Variants in FKBP1B observed in about 807,000 individuals in gnomAD.
FKBP1B encodes the protein FKBP prolyl isomerase 1B.
In FKBP1B, 4 loss-of-function variants were observed where a neutral mutation model predicts 13.5. The observed-to-expected ratio is 0.30, with a 90% CI of 0.15 to 0.68. The LOEUF is 0.68. Ranked by LOEUF, FKBP1B falls within the 30% of genes least tolerant of loss-of-function variation. The pLI, the probability that FKBP1B is intolerant of heterozygous loss-of-function variation, is 0.76. For missense variants in FKBP1B, 93 were observed against 136.2 expected (o/e 0.68, Z 1.58); for synonymous variants, 54 against 53.6 (o/e 1.01, Z -0.03).
At chr2:24,049,736 G>A (rs902628404), upstream of FKBP1B, 3 of 826,128 alleles carry the variant, frequency 3.6e-6, no homozygotes, top group East Asian at 1.0e-4. Context: ...ACCTCCTCCG[G>A]CTCTGCAGTG....
chr2:24,046,326 TTTA>T (rs1663624261), upstream of FKBP1B, among the ~76,000 whole-genome samples: 1 of 152,118 alleles, frequency 6.6e-6, no homozygotes, highest in African/African-American at 2.4e-5. Context: ...AGGACCAAGG[TTTA>T]AATGCTCTTC....
the FKBP1B span, chr2:24,037,992 A>G: frequency 1.3e-3 from 2,157 of 1,614,134 alleles, 25 homozygotes; most frequent in African/African-American, 0.026. Context: ...TAGACAGAGG[A>G]CTCTGGATTT....
chr2:24,044,289 G>C, the FKBP1B span, among the ~76,000 whole-genome samples: 2 of 151,766 alleles, frequency 1.3e-5, no homozygotes, highest in Non-Finnish European at 2.9e-5. Flanking sequence ...GGGGGCGTGG[G>C]GGCACAGTCT....
At chr2:24,037,685 T>C in the FKBP1B span, 16 of 1,608,350 alleles carry the variant, frequency 9.9e-6, no homozygotes, top group South Asian at 1.7e-4. Flanking sequence ...ACCTGGTAAA[T>C]GATGTGAACA....
chr2:24,039,587 A>ATTTGTC, the FKBP1B span: 1 of 1,346,176 alleles, frequency 7.4e-7, no homozygotes, highest in Non-Finnish European at 1.0e-6. Context: ...TTGGTAAGAC[A>ATTTGTC]ACGGCTTAGC....
the FKBP1B span, chr2:24,038,327 C>T: frequency 1.2e-6 from 2 of 1,614,178 alleles, no homozygotes; most frequent in Non-Finnish European, 1.7e-6. Flanking sequence ...AAACATATCC[C>T]TTTTGGTCTT....
At chr2:24,042,203 A>G in the FKBP1B span, among the ~76,000 whole-genome samples, 1 of 151,960 alleles carries the variant, frequency 6.6e-6, no homozygotes, top group Non-Finnish European at 1.5e-5. Context: ...GGAGCTCAAA[A>G]CCAGCCTGAC....
At chr2:24,049,930 G>C (rs902567159) in intron 1 of FKBP1B, 44 bp downstream of exon 1, 4 of 1,362,564 alleles carry the variant, frequency 2.9e-6, no homozygotes, top group Non-Finnish European at 3.8e-6. Context: ...GGGGTCCCGG[G>C]GCGGAGCCCG....
At chr2:24,061,928 G>A (rs1664410767) in intron 3 of FKBP1B, among the ~76,000 whole-genome samples, 1 of 152,038 alleles carries the variant, frequency 6.6e-6, no homozygotes, top group Non-Finnish European at 1.5e-5. Context: ...GGACTGCAGT[G>A]GCGCAATCTT....
At chr2:24,049,081 G>A (rs182579156), upstream of FKBP1B, among the ~76,000 whole-genome samples, 26 of 152,284 alleles carry the variant, frequency 1.7e-4, no homozygotes, top group Admixed American at 8.5e-4. Flanking sequence ...CCTAGCGAGG[G>A]TAGGAACCTC....
intron 1 of FKBP1B, among the ~76,000 whole-genome samples, chr2:24,051,927 C>A (rs963186029): frequency 6.6e-6 from 1 of 151,930 alleles, no homozygotes; most frequent in African/African-American, 2.4e-5. Context: ...TGCCTACTTG[C>A]AATATAAACT....
chr2:24,040,280 A>T, the FKBP1B span, among the ~76,000 whole-genome samples: 1 of 152,238 alleles, frequency 6.6e-6, no homozygotes. Flanking sequence ...AAGAAAACAA[A>T]TGTAGCAAAA....
Position 24,053,937 on chromosome 2 carries a change from G to C in FKBP1B, c.73G>C (p.Val25Leu). ...TFPKKGQTCV[V>L]HYTGMLQNGK... ...CCCCAAGAAGGGCCAAACGTGTGTGGTGCACTACACAGGTAAGTCTCACCC... is the reference window on the plus strand; with the variant it reads ...CCCCAAGAAGGGCCAAACGTGTGTGCTGCACTACACAGGTAAGTCTCACCC... The change falls in exon 2 of 4, where the codon GTG (valine) becomes CTG (leucine). Residue 25 changes from valine to leucine, a missense_variant. Transcript: ENST00000380986. The C allele has an allele frequency of 6.2e-7, 1 of 1,614,178 alleles. No individual in the cohort carries two copies. The highest frequency in any genetic ancestry group is 8.5e-7 in the Non-Finnish European group (1 of 1,180,000).
At chr2:24,061,854 C>G (rs1664406780) in intron 3 of FKBP1B, among the ~76,000 whole-genome samples, 1 of 151,806 alleles carries the variant, frequency 6.6e-6, no homozygotes, top group African/African-American at 2.4e-5. Context: ...TATGATGCTC[C>G]CTTACGATAG....
the FKBP1B span, among the ~76,000 whole-genome samples, chr2:24,044,088 T>C: frequency 6.6e-6 from 1 of 152,184 alleles, no homozygotes; most frequent in African/African-American, 2.4e-5. Flanking sequence ...TATTGATAAA[T>C]AATGCCATGA....
chr2:24,047,504 G>A (rs1348234987), upstream of FKBP1B: 1 of 152,094 alleles, frequency 6.6e-6, no homozygotes, highest in African/African-American at 2.4e-5. Context: ...AGATGGCCCC[G>A]TCTATTGGCT....
the FKBP1B span, chr2:24,037,606 AC>A: frequency 7.0e-7 from 1 of 1,432,176 alleles, no homozygotes; most frequent in Non-Finnish European, 9.4e-7. Context: ...CCTCATCAAT[AC>A]GTTTCTTGCA....
chr2:24,053,264 A>G (rs1190149900), intron 1 of FKBP1B, among the ~76,000 whole-genome samples: 3 of 148,762 alleles, frequency 2.0e-5, no homozygotes, highest in Non-Finnish European at 4.4e-5. Context: ...GGTATGCGGC[A>G]CCACACCCAG....
rs1664484383 is a variant in FKBP1B at position 24,063,269 on chromosome 2, C to T, written c.*77C>T. 7.2e-7 allele frequency: 1 copy of T among 1,397,680 alleles called. No homozygotes were observed. The highest frequency in any genetic ancestry group is 1.4e-5 in the African/African-American group (1 of 69,162). 86.6% of individuals were successfully genotyped at this position (1,397,680 alleles called of 1,614,324 possible). A position where few individuals can be genotyped will look rare whatever the true frequency, so the allele number is the denominator to read the frequency against. ...GCCTGCTCTGCCACTGGGACGGCTC[C>T]TGCTTTTGGGGCTCTTGATCAGTGT... is the stretch of plus-strand genomic sequence containing the variant. On this transcript the variant is annotated 3_prime_UTR_variant, in exon 4 of 4. Transcript: ENST00000380986.
Sources: gnomAD v4.1 joint callset for allele counts (sites outside exome capture counted in the v4.1 genomes callset) on GRCh38, gnomAD v4.1.1 for gene constraint, MANE v1.5 for transcripts, NCBI Gene and HGNC (gene_info 2026-07-23, HGNC 2026-07-21) for gene names.